Variants in ATE1 observed in about 807,000 individuals in gnomAD.
The protein encoded by ATE1 is arginyl-tRNA--protein transferase 1.
A neutral mutation model predicts 70.5 loss-of-function variants in ATE1; 36 were observed. The observed-to-expected ratio is 0.51, with a 90% CI of 0.39 to 0.67. ATE1 has a LOEUF of 0.67. Ranked by LOEUF, ATE1 falls within the 30% of genes least tolerant of loss-of-function variation. The pLI is 0.00. For missense variants in ATE1, 593 were observed against 629.5 expected (o/e 0.94, Z 0.62); for synonymous variants, 232 against 219.3 (o/e 1.06, Z -0.51).
chr10:121,842,442 G>T (rs79585453), intron 8 of ATE1, among the ~76,000 whole-genome samples: 1,658 of 151,640 alleles, frequency 0.011, 29 homozygotes, highest in African/African-American at 0.038. Flanking sequence ...TAAAATCAGA[G>T]AATTATATGA....
chr10:121,866,542 T>G (rs551764822), intron 8 of ATE1, among the ~76,000 whole-genome samples: 7 of 152,238 alleles, frequency 4.6e-5, no homozygotes, highest in African/African-American at 1.7e-4. Flanking sequence ...AGTAGTAATA[T>G]GTAATTTAAA....
At chr10:121,898,833 A>T in intron 7 of ATE1, 1 of 1,613,172 alleles carries the variant, frequency 6.2e-7, no homozygotes, top group Non-Finnish European at 8.5e-7. Flanking sequence ...AACAACAGTT[A>T]ACAATACCTC....
chr10:121,761,398 T>G (rs1945032904), intron 11 of ATE1, among the ~76,000 whole-genome samples: 1 of 152,232 alleles, frequency 6.6e-6, no homozygotes, highest in African/African-American at 2.4e-5. Context: ...TATGATTTGC[T>G]GAAGGCTCAG....
chr10:121,923,943 T>C (rs1951980358), intron 2 of ATE1, among the ~76,000 whole-genome samples: 1 of 152,212 alleles, frequency 6.6e-6, no homozygotes, highest in South Asian at 2.1e-4. Flanking sequence ...AGGATAAATG[T>C]CATAATAACC....
At chr10:121,843,726 G>T (rs893622953) in intron 8 of ATE1, among the ~76,000 whole-genome samples, 1 of 148,982 alleles carries the variant, frequency 6.7e-6, no homozygotes, top group African/African-American at 2.5e-5. Context: ...ATATCCATAC[G>T]CAAAAAAAAA....
Position 121,851,444 on chromosome 10 carries a change from A to G in ATE1, c.976-10181T>C, listed in dbSNP as rs562825984. ...CAAAAAATAAAAACATAAAAAATAA[A>G]AGTTTCAATGTCTGCATTTTTCAAA... On this transcript the variant is annotated intron_variant, in intron 8 of 11. Coordinates refer to ENST00000224652, the MANE Select transcript of ATE1 (RefSeq NM_001001976.3). 2.0e-5 allele frequency among the ~76,000 whole-genome samples: 3 copies of G among 152,334 alleles called. No individual in the cohort carries two copies. The South Asian group carries it at 6.2e-4, about 32-fold the overall frequency.
intron 10 of ATE1, among the ~76,000 whole-genome samples, chr10:121,821,265 T>C (rs1157869975): frequency 6.6e-6 from 1 of 152,096 alleles, no homozygotes; most frequent in Non-Finnish European, 1.5e-5. Flanking sequence ...TCCATGGCCA[T>C]AGGGTAGGCA....
At chr10:121,847,317 G>A (rs1430755402) in intron 8 of ATE1, among the ~76,000 whole-genome samples, 2 of 152,018 alleles carry the variant, frequency 1.3e-5, no homozygotes, top group Admixed American at 6.6e-5. Context: ...GCATGGTGGT[G>A]GGTACCTGTA....
At chr10:121,910,820 T>A in intron 5 of ATE1, 86 bp downstream of exon 5, 2 of 1,571,768 alleles carry the variant, frequency 1.3e-6, no homozygotes, top group Middle Eastern at 1.7e-4. Context: ...AGTCATCCTT[T>A]TGGCTGATGG....
intron 3 of ATE1, among the ~76,000 whole-genome samples, chr10:121,917,769 G>A (rs1298712905): frequency 6.6e-6 from 1 of 152,136 alleles, no homozygotes; most frequent in Non-Finnish European, 1.5e-5. Flanking sequence ...TGGGACAGGG[G>A]GGTTGGGGGA....
chr10:121,774,027 TTTC>T (rs1256096804), intron 11 of ATE1, among the ~76,000 whole-genome samples: 3 of 152,234 alleles, frequency 2.0e-5, no homozygotes, highest in Non-Finnish European at 4.4e-5. Flanking sequence ...ACTTCCACTT[TTTC>T]TTGTCATCTT....
intron 11 of ATE1, among the ~76,000 whole-genome samples, chr10:121,788,461 A>C (rs1262839514): frequency 6.6e-6 from 1 of 152,168 alleles, no homozygotes; most frequent in Non-Finnish European, 1.5e-5. Context: ...ATCATGTGTA[A>C]GAAAGAGTCA....
At chr10:121,833,409 T>C (rs1473692634) in intron 10 of ATE1, among the ~76,000 whole-genome samples, 1 of 152,200 alleles carries the variant, frequency 6.6e-6, no homozygotes, top group Non-Finnish European at 1.5e-5. Flanking sequence ...ATTAAATACC[T>C]ACTATGTAGC....
intron 10 of ATE1, among the ~76,000 whole-genome samples, chr10:121,818,160 A>G (rs1947634586): frequency 7.1e-6 from 1 of 141,150 alleles, no homozygotes. Flanking sequence ...GCTACTCAGG[A>G]GGCTGAGGAT....
chr10:121,771,070 CTTTA>C (rs746520373), intron 11 of ATE1, among the ~76,000 whole-genome samples: 3 of 152,030 alleles, frequency 2.0e-5, no homozygotes, highest in African/African-American at 7.2e-5. Flanking sequence ...TCTCTCTCTA[CTTTA>C]TTTATTTATT....
chr10:121,920,100 CTG>C (rs948832297), intron 3 of ATE1, among the ~76,000 whole-genome samples: 2 of 152,046 alleles, frequency 1.3e-5, no homozygotes, highest in African/African-American at 4.8e-5. Flanking sequence ...TAAAGTAAAA[CTG>C]TCTTTTAATT....
intron 8 of ATE1, among the ~76,000 whole-genome samples, chr10:121,855,602 A>G (rs1354162264): frequency 6.6e-6 from 1 of 152,204 alleles, no homozygotes; most frequent in African/African-American, 2.4e-5. Flanking sequence ...TGTATGTGAA[A>G]TATTTTCCTA....
intron 7 of ATE1, among the ~76,000 whole-genome samples, chr10:121,882,560 A>G (rs1021144756): frequency 5.3e-5 from 8 of 152,254 alleles, no homozygotes; most frequent in African/African-American, 1.4e-4. Context: ...CCACACAGGT[A>G]GTAGGTAGAG....
intron 11 of ATE1, among the ~76,000 whole-genome samples, chr10:121,784,009 C>T (rs868026738): frequency 3.9e-5 from 6 of 152,178 alleles, no homozygotes; most frequent in South Asian, 4.1e-4. Flanking sequence ...CCCTGGCCTC[C>T]GGCCTCCCAA....
Sources: allele counts gnomAD v4.1 joint callset (sites outside exome capture counted in the v4.1 genomes callset), GRCh38; gene constraint gnomAD v4.1.1; transcripts MANE v1.5; gene names NCBI Gene and HGNC (gene_info 2026-07-23, HGNC 2026-07-21).